REV3L: variants seen among roughly 807,000 people sequenced by gnomAD.
The protein encoded by REV3L is DNA polymerase zeta catalytic subunit.
REV3L carries 69 observed loss-of-function variants against 299.4 expected under a neutral mutation model. The ratio of observed to expected loss-of-function variants is 0.23; its 90% CI spans 0.19 to 0.28. The LOEUF (loss-of-function observed/expected upper bound fraction) is 0.28. REV3L is among the 10% of genes least tolerant of loss of function. REV3L has a pLI of 1.00. For synonymous variants in REV3L, 1,238 were observed against 1,271.4 expected (o/e 0.97, Z 0.56); for missense variants, 3,128 against 3,693.8 (o/e 0.85, Z 3.97).
intron 5 of REV3L, among the ~76,000 whole-genome samples, chr6:111,392,361 T>C (rs1782019446): frequency 6.6e-6 from 1 of 152,096 alleles, no homozygotes. Context: ...CATAGCTGCT[T>C]TGAAATAGAG....
chr6:111,308,378 C>T (rs1772577189), intron 30 of REV3L: 2 of 360,480 alleles, frequency 5.5e-6, no homozygotes, highest in Non-Finnish European at 1.1e-5. Flanking sequence ...GCTCAGAACA[C>T]TTAGTAACAT....
chr6:111,365,239 T>A, intron 15 of REV3L, 26 bp downstream of exon 15: 1 of 1,286,598 alleles, frequency 7.8e-7, no homozygotes. Context: ...CTTCCACTGA[T>A]CTTTAAAAAT....
chr6:111,330,235 G>A, intron 24 of REV3L: 1 of 446,904 alleles, frequency 2.2e-6, no homozygotes, highest in Non-Finnish European at 4.6e-6. Context: ...CAAACCTGCA[G>A]TTCCAGGGAC....
At chr6:111,326,372 C>T (rs753278987) in intron 25 of REV3L, among the ~76,000 whole-genome samples, 2 of 151,970 alleles carry the variant, frequency 1.3e-5, no homozygotes, top group African/African-American at 2.4e-5. Flanking sequence ...ACTAACATTA[C>T]TAATTAGAGA....
At chr6:111,406,484 G>A (rs941266684) in intron 3 of REV3L, among the ~76,000 whole-genome samples, 2 of 152,202 alleles carry the variant, frequency 1.3e-5, no homozygotes, top group Admixed American at 6.5e-5. Context: ...GAAGACTACA[G>A]GTAAGGAGTA....
intron 4 of REV3L, among the ~76,000 whole-genome samples, chr6:111,395,050 T>C (rs1489737030): frequency 6.6e-6 from 1 of 152,080 alleles, no homozygotes; most frequent in Non-Finnish European, 1.5e-5. Flanking sequence ...TTTGTAGTAT[T>C]ATTTTGCTCA....
intron 4 of REV3L, among the ~76,000 whole-genome samples, chr6:111,398,724 T>C (rs2128265139): frequency 6.6e-6 from 1 of 152,286 alleles, no homozygotes; most frequent in East Asian, 1.9e-4. Context: ...TAAACTGTAA[T>C]GTGCCTGAGA....
intron 25 of REV3L, among the ~76,000 whole-genome samples, chr6:111,329,262 G>C (rs924941787): frequency 6.7e-6 from 1 of 149,870 alleles, no homozygotes; most frequent in Non-Finnish European, 1.5e-5. Context: ...CACGCTGGTC[G>C]CGACTCCTGA....
Position 111,396,997 on chromosome 6 carries a change from A to AT in REV3L, c.566-4026dup, listed in dbSNP as rs565343363. ...TGTAATGTCTCCTTTTTCATGTCTA[A>AT]TTTTATGTATGTCTTCTTTTTTCTT... On this transcript the variant is annotated intron_variant, in intron 4 of 31. Coordinates refer to ENST00000368802, the MANE Select transcript of REV3L (RefSeq NM_001372078.1). 5.9e-5 allele frequency among the ~76,000 whole-genome samples: 9 copies of AT among 151,442 alleles called. No individual in the cohort carries two copies. The South Asian group carries it at 1.0e-3, about 17-fold the overall frequency.
Position 111,346,468 on chromosome 6 carries a change from AAAAC to A in REV3L, c.7420-2429_7420-2426del, listed in dbSNP as rs534386042. 1.2e-4 allele frequency among the ~76,000 whole-genome samples: 18 copies of A among 152,338 alleles called. No homozygotes were observed. The South Asian group carries it at 3.7e-3, about 32-fold the overall frequency. ...AGAAATCTAGTACTTGTATATTAAAAAAACAAACAAAATTTATGATTACTATTAT... is the reference window on the plus strand; with the variant it reads ...AGAAATCTAGTACTTGTATATTAAAAAAACAAAATTTATGATTACTATTAT... On this transcript the variant is annotated intron_variant, in intron 20 of 31. Coordinates refer to ENST00000368802, the MANE Select transcript of REV3L (RefSeq NM_001372078.1).
intron 24 of REV3L, chr6:111,330,301 T>A (rs182040450): frequency 9.4e-5 from 43 of 455,090 alleles, no homozygotes; most frequent in Non-Finnish European, 1.5e-4. Context: ...CCGGCCTACA[T>A]TTATTAGCAA....
rs144638586 is a variant in REV3L, at chr6:111,351,700, A to G, written c.7276T>C (p.Cys2426Arg). ...QRAAALSIDL[C>R]RMISRVPDDK... ...CCTGGCACCCGAGAGATCATCCGAC[A>G]TAAGTCAATACTTAAAGCGGCAGCC... Residue 2426 changes from cysteine to arginine, a missense_variant, in exon 19 of 32, where the codon TGT (cysteine) becomes CGT (arginine). By Grantham distance (180) the Cys-to-Arg change is radical (BLOSUM62 -3). Around this residue, in one of 9 missense-constraint regions of REV3L, gnomAD observed 50 missense variants for 48.2 expected, o/e 1.04. Transcript: ENST00000368802. 1.0e-4 allele frequency: 163 copies of G among 1,613,498 alleles called. No individual in the cohort carries two copies. Among genetic ancestry groups the G allele is most frequent in the Admixed American group, 1.3e-4 (8 of 59,978 alleles).
chr6:111,377,518 T>G (rs17510838), intron 12 of REV3L, among the ~76,000 whole-genome samples, 183 bp downstream of exon 12: 4,672 of 152,144 alleles, frequency 0.031, 222 homozygotes, highest in African/African-American at 0.11. Flanking sequence ...TTTAGTTTTT[T>G]AGAGACGGGG....
At chr6:111,399,564 T>C (rs1217286354) in intron 4 of REV3L, among the ~76,000 whole-genome samples, 1 of 152,212 alleles carries the variant, frequency 6.6e-6, no homozygotes, top group African/African-American at 2.4e-5. Flanking sequence ...CTGGTCTATT[T>C]ATCTGTCTTT....
chr6:111,372,229 A>G (rs1263809525), intron 13 of REV3L, among the ~76,000 whole-genome samples: 1 of 152,206 alleles, frequency 6.6e-6, no homozygotes, highest in Non-Finnish European at 1.5e-5. Flanking sequence ...AAATGGTATA[A>G]AAGTTTAACA....
intron 22 of REV3L, among the ~76,000 whole-genome samples, chr6:111,334,787 C>CT (rs1390871680): frequency 2.0e-5 from 3 of 152,108 alleles, no homozygotes; most frequent in Admixed American, 6.6e-5. Context: ...AGTTGGAACT[C>CT]TATTTTTGCT....
At chr6:111,362,086 A>G (rs1312228266) in intron 16 of REV3L, among the ~76,000 whole-genome samples, 1 of 152,220 alleles carries the variant, frequency 6.6e-6, no homozygotes, top group Non-Finnish European at 1.5e-5. Context: ...TATTTTTAAA[A>G]AAGTTTTTAA....
chr6:111,302,195 A>G (rs964430021), intron 31 of REV3L, among the ~76,000 whole-genome samples: 1 of 152,238 alleles, frequency 6.6e-6, no homozygotes, highest in Non-Finnish European at 1.5e-5. Flanking sequence ...CATGTGCTTC[A>G]GTATGCTCCA....
chr6:111,434,516 G>C (rs913692080), intron 1 of REV3L, among the ~76,000 whole-genome samples: 1 of 151,888 alleles, frequency 6.6e-6, no homozygotes, highest in African/African-American at 2.4e-5. Context: ...CTACTCAGGA[G>C]GCTGAGGCAG....
Sources: gnomAD v4.1 joint callset for allele counts (sites outside exome capture counted in the v4.1 genomes callset) on GRCh38, gnomAD v4.1.1 for gene constraint, gnomAD v4.1.1 regional missense constraint, MANE v1.5 for transcripts, NCBI Gene and HGNC (gene_info 2026-07-23, HGNC 2026-07-21) for gene names.